Variants in ZNF462 observed in about 807,000 individuals in gnomAD.
The protein encoded by ZNF462 is zinc finger protein 462, also known as zinc finger PBX1-interacting protein.
Under a neutral mutation model 201.9 loss-of-function variants are expected in ZNF462, and 10 were observed. The observed-to-expected ratio is 0.05, with a 90% CI of 0.03 to 0.08. ZNF462 has a LOEUF of 0.08. Among genes scored for constraint, ZNF462 ranks in the 10% least tolerant of loss-of-function variants. The pLI is 1.00. For synonymous variants in ZNF462, 1,227 were observed against 1,193.3 expected, an observed-to-expected ratio of 1.03 and a Z score of -0.58; for missense variants, 2,523 against 3,168.3, an observed-to-expected ratio of 0.80 and a Z score of 4.89.
In ZNF462 at chr9:106,955,555, A is replaced by G. The variant is rs141598324; in HGVS notation, c.6427+16448A>G. 1.1e-4 allele frequency among the ~76,000 whole-genome samples: 17 copies of G among 152,214 alleles called. No homozygotes were observed. The East Asian group carries it at 1.7e-3, about 16-fold the overall frequency. The stretch of plus-strand genomic sequence containing the variant: ...GTCAGTTTCTTAAAGTAAAACAACA[A>G]TGAAGTTTGCCACATTGATTGACTC... On this transcript the variant is annotated intron_variant, in intron 7 of 12. Transcript: ENST00000277225.
Position 106,919,272 on chromosome 9 carries a change from T to C in ZNF462, c.-30-4082T>C, listed in dbSNP as rs149918697. ...GATGGTGGCGGGCCTGTAAGAATGC[T>C]GTACAATGTCAACACCTCCCCGCTC... On this transcript the variant is annotated intron_variant, in intron 1 of 12. Transcript: ENST00000277225. The surrounding 1 kb of genome is among the most constrained non-coding windows in gnomAD (Gnocchi z 4.5). Among the ~76,000 whole-genome samples the C allele has an allele frequency of 3.2e-3, 493 of 152,318 alleles. 3 individuals carry two copies. The highest frequency in any genetic ancestry group is 3.4e-3 in the Middle Eastern group (1 of 292).
chr9:106,961,290 A>C (rs1470816582), intron 7 of ZNF462, among the ~76,000 whole-genome samples: 1 of 152,116 alleles, frequency 6.6e-6, no homozygotes. Flanking sequence ...GCAAGACTAG[A>C]AATTAATGCC....
chr9:107,010,986 G>C lies in ZNF462; in HGVS notation c.7477G>C (p.Ala2493Pro), dbSNP rs754763964. ...AACAGTAGCCATCTGTGTAGTAACTGCCGACAAATCTCTCCTGGAGAATGC... is the reference window on the plus strand; with the variant it reads ...AACAGTAGCCATCTGTGTAGTAACTCCCGACAAATCTCTCCTGGAGAATGC... ...NETVAICVVT[A>P]DKSLLENAEA... Residue 2493 changes from alanine (A) to proline (P), a missense_variant, in exon 13 of 13, where the codon GCC becomes CCC. Around this residue, in one of 15 missense-constraint regions of ZNF462, gnomAD observed 67 missense variants for 63.2 expected, o/e 1.06. Transcript: ENST00000277225. The surrounding 1 kb of genome is among the most constrained non-coding windows in gnomAD (Gnocchi z 4.6). The C allele has an allele frequency of 6.2e-7, 1 of 1,613,576 alleles. No individual in the cohort carries two copies. Among genetic ancestry groups the C allele is most frequent in the Non-Finnish European group, 8.5e-7 (1 of 1,179,882 alleles).
At chr9:106,946,951 A>G (rs1166643420) in intron 7 of ZNF462, among the ~76,000 whole-genome samples, 1 of 152,244 alleles carries the variant, frequency 6.6e-6, no homozygotes, top group Non-Finnish European at 1.5e-5. Context: ...AATGTTGTAC[A>G]CATATTTTTG....
At chr9:106,863,900 G>A (rs1043315821) in intron 1 of ZNF462, among the ~76,000 whole-genome samples, 5 of 152,064 alleles carry the variant, frequency 3.3e-5, no homozygotes, top group Non-Finnish European at 7.4e-5. Flanking sequence ...GGAGAGCTCC[G>A]TGCGAGCGGC....
chr9:106,984,310 A>G lies in ZNF462; in HGVS notation c.6957A>G (p.Ile2319Met). Residue 2319 changes from isoleucine to methionine, a missense_variant, in exon 10 of 13, where the codon ATA becomes ATG. Ile to Met is a conservative substitution (Grantham distance 10). Around this residue, in one of 15 missense-constraint regions of ZNF462, gnomAD observed 228 missense variants for 361.2 expected, o/e 0.63. Coordinates refer to ENST00000277225, the MANE Select transcript of ZNF462 (RefSeq NM_021224.6). This position sits in a 1 kb window ranked among gnomAD's most constrained non-coding sequence, Gnocchi z 6.4. ...GTGATGAGAGCCTCCAGCAACATATAGAAAAGCACAATGAACTGAAACCTT... is the reference window on the plus strand; with the variant it reads ...GTGATGAGAGCCTCCAGCAACATATGGAAAAGCACAATGAACTGAAACCTT... ...CSSDESLQQH[I>M]EKHNELKPYK... 2 of 1,614,134 alleles carry G rather than the reference A, an allele frequency of 1.2e-6. No individual in the cohort carries two copies. Among genetic ancestry groups the G allele is most frequent in the Non-Finnish European group, 1.7e-6 (2 of 1,179,986 alleles).
chr9:106,923,483 A>T lies in ZNF462; in HGVS notation c.100A>T (p.Thr34Ser). 6.2e-7 allele frequency: 1 copy of T among 1,614,218 alleles called. No individual in the cohort carries two copies. The highest frequency in any genetic ancestry group is 8.5e-7 in the Non-Finnish European group (1 of 1,180,052). ...QDVHTAFLQP[T>S]DVAEDNVNEL... ...TGTCCACACGGCATTTCTGCAGCCA[A>T]CTGATGTTGCTGAGGACAATGTGAA... The change falls in exon 2 of 13, where the codon ACT becomes TCT. Residue 34 changes from threonine to serine, a missense_variant. By Grantham distance (58) the Thr-to-Ser change is moderately conservative. Transcript: ENST00000277225. The surrounding 1 kb of genome is among the most constrained non-coding windows in gnomAD (Gnocchi z 5.6).
intron 10 of ZNF462, among the ~76,000 whole-genome samples, chr9:106,989,159 AC>A: frequency 6.6e-6 from 1 of 152,070 alleles, no homozygotes; most frequent in East Asian, 1.9e-4. Flanking sequence ...ATTCAGTATT[AC>A]GTTGGCTGTG....
chr9:106,933,135 G>A lies in ZNF462; in HGVS notation c.6116+586G>A, dbSNP rs1168275428. ...GCTTTTTGGGGCCATGGAAAGAGGG[G>A]TGGTTTTAAGAACAACTTTTTGTTG... On this transcript the variant is annotated intron_variant, in intron 5 of 12. Coordinates refer to ENST00000277225, the MANE Select transcript of ZNF462 (RefSeq NM_021224.6). This position sits in a 1 kb window ranked among gnomAD's most constrained non-coding sequence, Gnocchi z 4.3. 6.4e-6 allele frequency: 1 copy of A among 156,230 alleles called. No homozygotes were observed. Among genetic ancestry groups the A allele is most frequent in the Non-Finnish European group, 1.4e-5 (1 of 70,442 alleles). The allele number at this position is 156,230 out of a possible 1,614,324, so 9.7% of individuals were successfully genotyped here. A position where few individuals can be genotyped will look rare whatever the true frequency, so the allele number is the denominator to read the frequency against.
intron 7 of ZNF462, among the ~76,000 whole-genome samples, chr9:106,959,437 G>T (rs1831728575): frequency 6.6e-6 from 1 of 152,196 alleles, no homozygotes; most frequent in South Asian, 2.1e-4. Flanking sequence ...TTGATATAAT[G>T]CAGACTTCAT....
chr9:106,924,602 G>T lies in ZNF462; in HGVS notation c.690G>T (p.Glu230Asp), dbSNP rs1487052078. Residue 230 changes from glutamate to aspartate, a missense_variant, in exon 3 of 13, where the codon GAG (glutamate) becomes GAT (aspartate). By Grantham distance (45) the Glu-to-Asp change is conservative. Around this residue, in one of 15 missense-constraint regions of ZNF462, gnomAD observed 480 missense variants for 544.4 expected, o/e 0.88. Coordinates refer to ENST00000277225, the MANE Select transcript of ZNF462 (RefSeq NM_021224.6). This position sits in a 1 kb window ranked among gnomAD's most constrained non-coding sequence, Gnocchi z 6.2. ...AGGTTGTGGAGCGCAGCATCTTAGA[G>T]TCTATGGTCAAGCCTTTGACCAAAT... is the stretch of plus-strand genomic sequence containing the variant. Reference protein sequence around the residue: ...PAEVVERSILESMVKPLTKSR... With the variant: ...PAEVVERSILDSMVKPLTKSR... 1 of 1,614,064 alleles carries T rather than the reference G, an allele frequency of 6.2e-7. No individual in the cohort carries two copies. Among genetic ancestry groups the T allele is most frequent in the Non-Finnish European group, 8.5e-7 (1 of 1,180,038 alleles).
At chr9:106,992,270 T>C (rs562122062) in intron 10 of ZNF462, among the ~76,000 whole-genome samples, 1 of 152,118 alleles carries the variant, frequency 6.6e-6, no homozygotes, top group African/African-American at 2.4e-5. Flanking sequence ...TTGGGAAATA[T>C]AAATTAAGAC....
intron 7 of ZNF462, among the ~76,000 whole-genome samples, chr9:106,967,007 T>G (rs1832103719): frequency 6.6e-6 from 1 of 152,120 alleles, no homozygotes; most frequent in Admixed American, 6.6e-5. Flanking sequence ...ACTTAGAGCA[T>G]GCAAGGGGGC....
intron 9 of ZNF462, among the ~76,000 whole-genome samples, chr9:106,979,760 A>T (rs1827282048): frequency 6.8e-6 from 1 of 147,278 alleles, no homozygotes; most frequent in African/African-American, 2.7e-5. Flanking sequence ...AGCTTTGCCC[A>T]TGTATATGTA....
rs776868481 is a variant in ZNF462 at position 106,928,475 on chromosome 9, A to G, written c.4563A>G (p.Pro1521=). The G allele has an allele frequency of 2.5e-6, 4 of 1,614,130 alleles. No individual in the cohort carries two copies. Among genetic ancestry groups the G allele is most frequent in the Non-Finnish European group, 2.5e-6 (3 of 1,180,038 alleles). ...CCGTCTACAAATGCAGGCATTGCCC[A>G]TACATCAACACCCGCATCCACGGCG... ...PGAVYKCRHC[P]YINTRIHGVL... The change falls in exon 3 of 13, where the codon CCA becomes CCG. Residue 1521 remains proline, a synonymous_variant. Coordinates refer to ENST00000277225, the MANE Select transcript of ZNF462 (RefSeq NM_021224.6). The surrounding 1 kb of genome is among the most constrained non-coding windows in gnomAD (Gnocchi z 9.3).
At chr9:106,991,839 T>TCTACACACAC (rs941555040) in intron 10 of ZNF462, among the ~76,000 whole-genome samples, 7 of 136,350 alleles carry the variant, frequency 5.1e-5, no homozygotes, top group African/African-American at 2.0e-4. Flanking sequence ...CAGCACTCTC[T>TCTACACACAC]ACACACACAC....
At chr9:106,948,905 A>G (rs1831224374) in intron 7 of ZNF462, among the ~76,000 whole-genome samples, 1 of 152,080 alleles carries the variant, frequency 6.6e-6, no homozygotes, top group Non-Finnish European at 1.5e-5. Context: ...TCAGAGTTAT[A>G]GAAGGCCTTT....
intron 7 of ZNF462, among the ~76,000 whole-genome samples, chr9:106,943,178 T>C (rs1057438599): frequency 6.6e-6 from 1 of 151,944 alleles, no homozygotes; most frequent in Non-Finnish European, 1.5e-5. Context: ...TAGAACTTGA[T>C]ATAGTCCTCC....
At chr9:106,894,145 A>C (rs948283364) in intron 1 of ZNF462, among the ~76,000 whole-genome samples, 5 of 152,238 alleles carry the variant, frequency 3.3e-5, no homozygotes, top group African/African-American at 9.6e-5. Flanking sequence ...AGATCTGACC[A>C]TTGTTAATTG....
Sources: allele counts gnomAD v4.1 joint callset (sites outside exome capture counted in the v4.1 genomes callset), GRCh38; gene constraint gnomAD v4.1.1; regional missense constraint gnomAD v4.1.1; non-coding constraint Gnocchi (gnomAD v3.1); transcripts MANE v1.5; gene names NCBI Gene and HGNC (gene_info 2026-07-23, HGNC 2026-07-21).